The following CKS1B variants were observed in gnomAD, a reference collection of about 807,000 sequenced individuals.
CKS1B encodes the protein cyclin-dependent kinases regulatory subunit 1.
In CKS1B, 5 loss-of-function variants were observed where a neutral mutation model predicts 12.2. The ratio of observed to expected loss-of-function variants is 0.41; its 90% CI spans 0.21 to 0.86. The LOEUF is 0.86. Ranked by LOEUF, CKS1B falls within the 40% of genes least tolerant of loss-of-function variation. The pLI is 0.32. For missense variants in CKS1B, 53 were observed against 99.9 expected (o/e 0.53, Z 2.00); for synonymous variants, 24 against 34.4 (o/e 0.70, Z 1.06).
chr1:154,974,859 C>A (rs1657095931), intron 1 of CKS1B, 55 bp downstream of exon 1: 4 of 1,613,822 alleles, frequency 2.5e-6, no homozygotes, highest in East Asian at 2.2e-5. Context: ...CCGCTGAGGG[C>A]ACAAGGAATT....
Position 154,974,718 on chromosome 1 carries a change from G to T in CKS1B, c.-28G>T. On this transcript the variant is annotated 5_prime_UTR_variant, in exon 1 of 3. Transcript: ENST00000308987. ...GAGTTGCTTGGAGGTTGGCGGCGCGGGGCTGAAGGCTAGCAAACCGAGCGA... is the reference window on the plus strand; with the variant it reads ...GAGTTGCTTGGAGGTTGGCGGCGCGTGGCTGAAGGCTAGCAAACCGAGCGA... The T allele has an allele frequency of 6.4e-7, 1 of 1,569,918 alleles. No individual in the cohort carries two copies. Among genetic ancestry groups the T allele is most frequent in the Non-Finnish European group, 8.6e-7 (1 of 1,157,566 alleles).
At chr1:154,975,851 G>T (rs12087657) in intron 1 of CKS1B, 38,764 of 154,518 alleles carry the variant, frequency 0.25, 5,805 homozygotes, top group Non-Finnish European at 0.34. Flanking sequence ...TAAACTACGC[G>T]TGTTTTCATT....
intron 1 of CKS1B, among the ~76,000 whole-genome samples, chr1:154,976,358 G>A (rs907477138): frequency 6.6e-6 from 1 of 152,210 alleles, no homozygotes; most frequent in African/African-American, 2.4e-5. Flanking sequence ...ATGCTAATCT[G>A]TATTAATTGT....
chr1:154,974,942 G>T (rs766341884), intron 1 of CKS1B, 138 bp downstream of exon 1: 13 of 1,613,384 alleles, frequency 8.1e-6, no homozygotes, highest in South Asian at 1.1e-5. Flanking sequence ...TGATATTGTG[G>T]AAGGCGTAAG....
Position 154,978,048 on chromosome 1 carries a change from T to C in CKS1B, c.121T>C (p.Ser41Pro). 6.2e-7 allele frequency: 1 copy of C among 1,614,138 alleles called. No homozygotes were observed. ...CCCTAAAACCCATCTGATGTCTGAA[T>C]CTGAATGGAGGAATCTTGGCGTTCA... Reference protein sequence around the residue: ...LVPKTHLMSESEWRNLGVQQS... With the variant: ...LVPKTHLMSEPEWRNLGVQQS... The change falls in exon 2 of 3, where the codon TCT becomes CCT. Residue 41 changes from serine (S) to proline (P), a missense_variant. Physicochemically the swap from Ser to Pro is moderately conservative, Grantham distance 74 (BLOSUM62 -1). Coordinates refer to ENST00000308987, the MANE Select transcript of CKS1B (RefSeq NM_001826.3).
chr1:154,977,617 C>A, intron 1 of CKS1B: 1 of 184,790 alleles, frequency 5.4e-6, no homozygotes, highest in Non-Finnish European at 1.1e-5. Flanking sequence ...TCATAAAAGG[C>A]CTTTCCTCGC....
chr1:154,979,044 A>C lies in CKS1B; in HGVS notation c.*267A>C. On this transcript the variant is annotated 3_prime_UTR_variant, in exon 3 of 3. Transcript: ENST00000308987. ...ACGATGTGCTCTGTATCCAGAACAC[A>C]CTTGGCAGATGGAGGAAGCATCTGA... The C allele has an allele frequency of 2.3e-6, 1 of 428,330 alleles. No individual in the cohort carries two copies. Among genetic ancestry groups the C allele is most frequent in the East Asian group, 4.3e-5 (1 of 23,098 alleles). 26.5% of individuals were successfully genotyped at this position (428,330 alleles called of 1,614,324 possible).
rs1326290461 is a variant in CKS1B at position 154,978,852 on chromosome 1, T to C, written c.*75T>C. On this transcript the variant is annotated 3_prime_UTR_variant, in exon 3 of 3. Coordinates refer to ENST00000308987, the MANE Select transcript of CKS1B (RefSeq NM_001826.3). ...TCCTAACATCTTTCTGATAACATTA[T>C]TATGTTGCCTTCTTGTTTCTCACTT... 4 of 865,940 alleles carry C rather than the reference T, an allele frequency of 4.6e-6. No individual in the cohort carries two copies. In the East Asian group the frequency reaches 1.0e-4, roughly 22 times the overall value. 53.6% of individuals were successfully genotyped at this position (865,940 alleles called of 1,614,324 possible). A position where few individuals can be genotyped will look rare whatever the true frequency, so the allele number is the denominator to read the frequency against.
chr1:154,978,508 G>C (rs1322462795), intron 2 of CKS1B: 4 of 591,500 alleles, frequency 6.8e-6, no homozygotes, highest in Non-Finnish European at 1.2e-5. Context: ...GGGACACCCT[G>C]GGGCTGTATA....
chr1:154,978,174 A>G (rs767670588), intron 2 of CKS1B, 60 bp downstream of exon 2: 1 of 1,534,776 alleles, frequency 6.5e-7, no homozygotes, highest in East Asian at 2.4e-5. Context: ...ATGAAAGAAT[A>G]AGATTGTATA....
chr1:154,978,595 A>G (rs1657247270), intron 2 of CKS1B, 130 bp from the exon 3 acceptor site: 3 of 739,644 alleles, frequency 4.1e-6, no homozygotes, highest in Non-Finnish European at 7.0e-6. Context: ...TTCTAAGGCC[A>G]TATGCTTAAG....
intron 1 of CKS1B, chr1:154,975,459 G>C (rs1571468850): frequency 6.2e-6 from 1 of 161,126 alleles, no homozygotes; most frequent in East Asian, 1.8e-4. Flanking sequence ...GGTCTCTGCT[G>C]TTCACAAATT....
intron 1 of CKS1B, 184 bp downstream of exon 1, chr1:154,974,988 AAG>A: frequency 6.3e-7 from 1 of 1,579,496 alleles, no homozygotes; most frequent in Non-Finnish European, 8.7e-7. Flanking sequence ...TCGTAAAACA[AAG>A]TGGTTGCGAA....
chr1:154,974,945 G>A, intron 1 of CKS1B, 141 bp downstream of exon 1: 2 of 1,613,300 alleles, frequency 1.2e-6, no homozygotes, highest in Non-Finnish European at 1.7e-6. Context: ...TATTGTGGAA[G>A]GCGTAAGGCG....
At chr1:154,975,085 C>A in intron 1 of CKS1B, 1 of 717,200 alleles carries the variant, frequency 1.4e-6, no homozygotes, top group East Asian at 2.6e-5. Flanking sequence ...CTTTCTGGAT[C>A]ATTCTCTGAA....
intron 2 of CKS1B, 135 bp downstream of exon 2, chr1:154,978,249 T>TA (rs2102230104): frequency 1.6e-5 from 16 of 1,019,758 alleles, no homozygotes; most frequent in East Asian, 1.2e-4. Context: ...GGGGATTTTT[T>TA]TAAAAAAAAA....
rs143856343 is a variant in CKS1B at position 154,975,140 on chromosome 1, G to A, written c.59+336G>A. ...CTTGCCTTGTAGAGACTGTTTCACA[G>A]TAATCTTGTCGAATCCAGTGGGAGA... On this transcript the variant is annotated intron_variant, in intron 1 of 2. Transcript: ENST00000308987. 58 of 604,114 alleles carry A rather than the reference G, an allele frequency of 9.6e-5. No individual in the cohort carries two copies. In the East Asian group the frequency reaches 1.1e-3, roughly 11 times the overall value. 37.4% of individuals were successfully genotyped at this position (604,114 alleles called of 1,614,324 possible).
chr1:154,978,480 G>A, intron 2 of CKS1B: 1 of 558,366 alleles, frequency 1.8e-6, no homozygotes, highest in Admixed American at 3.4e-5. Context: ...ACACCCAGCT[G>A]CCAGGCAAAA....
chr1:154,975,066 C>A, intron 1 of CKS1B: 1 of 798,424 alleles, frequency 1.3e-6, no homozygotes, highest in South Asian at 1.4e-5. Flanking sequence ...ACCACCCTCA[C>A]CCATGAGGCT....
Sources: allele counts gnomAD v4.1 joint callset (sites outside exome capture counted in the v4.1 genomes callset), GRCh38; gene constraint gnomAD v4.1.1; transcripts MANE v1.5; gene names NCBI Gene and HGNC (gene_info 2026-07-23, HGNC 2026-07-21).